GALNT15: variants seen among roughly 807,000 people sequenced by gnomAD.
The protein encoded by GALNT15 is UDP-GalNAc transferase T15.
In GALNT15, 67 loss-of-function variants were observed where a neutral mutation model predicts 66.8. The ratio of observed to expected loss-of-function variants is 1.00; its 90% CI spans 0.82 to 1.23. GALNT15 has a LOEUF of 1.23. GALNT15 is among the 50% of genes most tolerant of loss of function. The pLI is 0.00. For synonymous variants in GALNT15, 313 were observed against 311.5 expected (o/e 1.00, Z -0.05); for missense variants, 827 against 804.3 (o/e 1.03, Z -0.34).
At chr3:16,233,000 G>A (rs757365957), downstream of GALNT15, among the ~76,000 whole-genome samples, 3 of 151,652 alleles carry the variant, frequency 2.0e-5, no homozygotes, top group Non-Finnish European at 2.9e-5. Context: ...ATCCTCACTG[G>A]ATGAGTTCTT....
chr3:16,177,404 A>G (rs1313505032), intron 1 of GALNT15, among the ~76,000 whole-genome samples: 1 of 152,176 alleles, frequency 6.6e-6, no homozygotes, highest in Non-Finnish European at 1.5e-5. Context: ...TTTGTGGGTC[A>G]TGGTATATGT....
chr3:16,190,726 T>G (rs2124853152), intron 1 of GALNT15, among the ~76,000 whole-genome samples: 1 of 152,014 alleles, frequency 6.6e-6, no homozygotes, highest in Admixed American at 6.6e-5. Context: ...CTTTGTCAAA[T>G]TTGGGTTATA....
chr3:16,215,906 C>CAAAAA (rs10611187), intron 6 of GALNT15, among the ~76,000 whole-genome samples: 1 of 102,616 alleles, frequency 9.7e-6, no homozygotes, highest in African/African-American at 3.6e-5. Flanking sequence ...GAGACTCCGC[C>CAAAAA]AAAAAAAAAA....
Position 16,189,684 on chromosome 3 carries a change from T to C in GALNT15, c.540-6076T>C, listed in dbSNP as rs538059297. ...AAAGATATCCAGGCACATGAGAGGT[T>C]TGCAAGAATCAACAATAGCTAGCTA... On this transcript the variant is annotated intron_variant, in intron 1 of 9. Coordinates refer to ENST00000339732, the MANE Select transcript of GALNT15 (RefSeq NM_054110.5). This position sits in a 1 kb window ranked among gnomAD's most constrained non-coding sequence, Gnocchi z 5.1. 2.6e-5 allele frequency among the ~76,000 whole-genome samples: 4 copies of C among 152,212 alleles called. No homozygotes were observed. Among genetic ancestry groups the C allele is most frequent in the Admixed American group, 6.5e-5 (1 of 15,282 alleles).
rs1419455786 is a variant in GALNT15, at chr3:16,180,841, G to T, written c.539+5151G>T. 6.6e-6 allele frequency among the ~76,000 whole-genome samples: 1 copy of T among 152,182 alleles called. No individual in the cohort carries two copies. The highest frequency in any genetic ancestry group is 1.5e-5 in the Non-Finnish European group (1 of 68,034). On this transcript the variant is annotated intron_variant, in intron 1 of 9. Coordinates refer to ENST00000339732, the MANE Select transcript of GALNT15 (RefSeq NM_054110.5). This position sits in a 1 kb window ranked among gnomAD's most constrained non-coding sequence, Gnocchi z 5.0. Reference sequence around the variant, plus strand: ...TTTATGGTTCAGCCTGTGTTTCCCTGGTTTATGTACCCATAGCTGTGATTA... The same window carrying T: ...TTTATGGTTCAGCCTGTGTTTCCCTTGTTTATGTACCCATAGCTGTGATTA...
At position 16,212,746 on chromosome 3, in the gene GALNT15, G is replaced by A; in HGVS notation, c.1375G>A (p.Ala459Thr). ...KETFYKHSPE[A>T]FSLSKAEKPD... Reference sequence around the variant, plus strand: ...AACCTTCTACAAGCATAGCCCAGAGGCCTTCTCCTTGAGCAAGGTAAGGAG... The same window carrying A: ...AACCTTCTACAAGCATAGCCCAGAGACCTTCTCCTTGAGCAAGGTAAGGAG... Residue 459 changes from alanine (A) to threonine (T), a missense_variant, in exon 6 of 10, where the codon GCC becomes ACC. Transcript: ENST00000339732. 6.2e-7 allele frequency: 1 copy of A among 1,613,364 alleles called. No homozygotes were observed. The highest frequency in any genetic ancestry group is 1.7e-5 in the Admixed American group (1 of 60,026).
At chr3:16,178,383 C>T (rs1390675059) in intron 1 of GALNT15, among the ~76,000 whole-genome samples, 1 of 152,180 alleles carries the variant, frequency 6.6e-6, no homozygotes, top group African/African-American at 2.4e-5. Flanking sequence ...CAGATTTTAG[C>T]ACTGAAGGTC....
chr3:16,196,796 C>T (rs2063643575), intron 2 of GALNT15, among the ~76,000 whole-genome samples: 1 of 152,176 alleles, frequency 6.6e-6, no homozygotes, highest in South Asian at 2.1e-4. Flanking sequence ...ATTTCTGGCA[C>T]AACTAAATGA....
Position 16,219,145 on chromosome 3 carries a change from T to A in GALNT15, c.1393-258T>A, listed in dbSNP as rs1055973707. Among the ~76,000 whole-genome samples, 1 of 152,124 alleles carries A rather than the reference T, an allele frequency of 6.6e-6. No individual in the cohort carries two copies. The highest frequency in any genetic ancestry group is 1.5e-5 in the Non-Finnish European group (1 of 68,010). ...TTTATAGACTGGAGATTTGAGGGAT[T>A]GTGGGAAGGGGCTGATATCACTTAC... On this transcript the variant is annotated intron_variant, in intron 6 of 9. Transcript: ENST00000339732. This position sits in a 1 kb window ranked among gnomAD's most constrained non-coding sequence, Gnocchi z 4.3.
In GALNT15 at chr3:16,175,990, C is replaced by G. The variant is rs2124830281; in HGVS notation, c.539+300C>G. ...TCCTAGAAAGCAGAAAGTGAGGACT[C>G]TTGCTTGTTCATTCTCTTCTCCGTC... On this transcript the variant is annotated intron_variant, in intron 1 of 9. Coordinates refer to ENST00000339732, the MANE Select transcript of GALNT15 (RefSeq NM_054110.5). This position sits in a 1 kb window ranked among gnomAD's most constrained non-coding sequence, Gnocchi z 5.6. Among the ~76,000 whole-genome samples the G allele has an allele frequency of 6.6e-6, 1 of 152,302 alleles. No individual in the cohort carries two copies. Among genetic ancestry groups the G allele is most frequent in the Middle Eastern group, 3.4e-3 (1 of 294 alleles).
rs1255257702 is a variant in GALNT15, at chr3:16,183,515, G to A, written c.539+7825G>A. On this transcript the variant is annotated intron_variant, in intron 1 of 9. Coordinates refer to ENST00000339732, the MANE Select transcript of GALNT15 (RefSeq NM_054110.5). This position sits in a 1 kb window ranked among gnomAD's most constrained non-coding sequence, Gnocchi z 5.2. Reference sequence around the variant, plus strand: ...TACACACTTCCTGAGAACAAGTTCAGTGTCTTTCTTCCTTCAGTGAACAAA... The same window carrying A: ...TACACACTTCCTGAGAACAAGTTCAATGTCTTTCTTCCTTCAGTGAACAAA... Among the ~76,000 whole-genome samples, 1 of 152,240 alleles carries A rather than the reference G, an allele frequency of 6.6e-6. No homozygotes were observed. The highest frequency in any genetic ancestry group is 1.5e-5 in the Non-Finnish European group (1 of 68,038).
At position 16,219,950 on chromosome 3, in the gene GALNT15, C is replaced by T. The variant is rs1559692676; in HGVS notation, c.1565C>T (p.Ala522Val). ...TGLGLCADCQ[A>V]EGDILGCPMV... ...CTTGGGCTCTGTGCAGACTGCCAGG[C>T]AGAAGGGGACATCCTGGGCTGTCCC... Residue 522 changes from alanine to valine, a missense_variant, in exon 8 of 10, where the codon GCA (alanine) becomes GTA (valine). Ala to Val is a moderately conservative substitution (Grantham distance 64). Coordinates refer to ENST00000339732, the MANE Select transcript of GALNT15 (RefSeq NM_054110.5). The surrounding 1 kb of genome is among the most constrained non-coding windows in gnomAD (Gnocchi z 4.3). 6.2e-7 allele frequency: 1 copy of T among 1,614,200 alleles called. No homozygotes were observed. Among genetic ancestry groups the T allele is most frequent in the African/African-American group, 1.3e-5 (1 of 75,044 alleles).
chr3:16,175,673 C>G lies in GALNT15; in HGVS notation c.522C>G (p.Pro174=), dbSNP rs142412711. Residue 174 remains proline (P), a synonymous_variant, in exon 1 of 10, where the codon CCC becomes CCG. Coordinates refer to ENST00000339732, the MANE Select transcript of GALNT15 (RefSeq NM_054110.5). This position sits in a 1 kb window ranked among gnomAD's most constrained non-coding sequence, Gnocchi z 5.6. The part of the protein sequence containing the change: ...SARIPLQRAL[P]EVRHPLCLQQ... ...GCATCCCCCTCCAGAGGGCTCTGCC[C>G]GAGGTGCGGCACCCACTGTAAGTAA... is the stretch of plus-strand genomic sequence containing the variant. 2.3e-5 allele frequency: 36 copies of G among 1,596,726 alleles called. No individual in the cohort carries two copies. The highest frequency in any genetic ancestry group is 2.8e-5 in the Non-Finnish European group (33 of 1,170,570).
chr3:16,202,773 C>T (rs1330112567), intron 3 of GALNT15, among the ~76,000 whole-genome samples: 1 of 152,196 alleles, frequency 6.6e-6, no homozygotes. Context: ...CCATCTGATT[C>T]CCATTCTGGT....
chr3:16,206,738 T>C (rs1445627288), intron 3 of GALNT15, among the ~76,000 whole-genome samples: 3 of 151,586 alleles, frequency 2.0e-5, no homozygotes, highest in Non-Finnish European at 1.5e-5. Context: ...GATGAATTGA[T>C]TGCAGGAATG....
rs1169435006 is a variant in GALNT15, at chr3:16,188,137, TC to T, written c.540-7617del. Among the ~76,000 whole-genome samples, 1 of 152,046 alleles carries T rather than the reference TC, an allele frequency of 6.6e-6. No individual in the cohort carries two copies. The highest frequency in any genetic ancestry group is 2.4e-5 in the African/African-American group (1 of 41,402). ...TCTAGCACATCTAGCCTCACGCTCT[TC>T]CCCCCAGACCATTATCCTGGCTCCG... On this transcript the variant is annotated intron_variant, in intron 1 of 9. Transcript: ENST00000339732. This position sits in a 1 kb window ranked among gnomAD's most constrained non-coding sequence, Gnocchi z 4.6.
rs1193935245 is a variant in GALNT15, at chr3:16,204,773, C to G, written c.912-3730C>G. Among the ~76,000 whole-genome samples, 1 of 148,776 alleles carries G rather than the reference C, an allele frequency of 6.7e-6. No homozygotes were observed. The highest frequency in any genetic ancestry group is 2.6e-5 in the African/African-American group (1 of 38,284). ...GAGACATCCGGTCCTTCAGGATCAG[C>G]CAGGGGTGCTATGGGGAGAAGCAAT... On this transcript the variant is annotated intron_variant, in intron 3 of 9. Coordinates refer to ENST00000339732, the MANE Select transcript of GALNT15 (RefSeq NM_054110.5). The surrounding 1 kb of genome is among the most constrained non-coding windows in gnomAD (Gnocchi z 4.5).
intron 6 of GALNT15, 65 bp downstream of exon 6, chr3:16,212,828 G>A (rs2063831960): frequency 7.0e-7 from 1 of 1,418,996 alleles, no homozygotes; most frequent in South Asian, 1.2e-5. Flanking sequence ...GGTGGGCCAG[G>A]GAGGGCTCCT....
rs59893869 is a variant in GALNT15 at position 16,174,798 on chromosome 3, G to A, written c.-354G>A. On this transcript the variant is annotated 5_prime_UTR_variant, in exon 1 of 10. Coordinates refer to ENST00000339732, the MANE Select transcript of GALNT15 (RefSeq NM_054110.5). This position sits in a 1 kb window ranked among gnomAD's most constrained non-coding sequence, Gnocchi z 4.7. Reference sequence around the variant, plus strand: ...CATAGCAACCTATTTATACAAAGGGGGAAAGAAACACCTGAGCAGAATGGA... The same window carrying A: ...CATAGCAACCTATTTATACAAAGGGAGAAAGAAACACCTGAGCAGAATGGA... The A allele has an allele frequency of 0.029, 7,608 of 264,402 alleles. 585 individuals are homozygous for A. The highest frequency in any genetic ancestry group is 0.15 in the African/African-American group (7,037 of 46,270). 16.4% of individuals were successfully genotyped at this position (264,402 alleles called of 1,614,324 possible).
Sources: gnomAD v4.1 joint callset for allele counts (sites outside exome capture counted in the v4.1 genomes callset) on GRCh38, gnomAD v4.1.1 for gene constraint, Gnocchi (gnomAD v3.1) non-coding constraint, MANE v1.5 for transcripts, NCBI Gene and HGNC (gene_info 2026-07-23, HGNC 2026-07-21) for gene names.